GFRA1: variants seen among roughly 807,000 people sequenced by gnomAD.
GFRA1 encodes the protein GDNF family receptor alpha 1, also known as GDNF family receptor alpha-1.
GFRA1 carries 16 observed loss-of-function variants against 51.6 expected under a neutral mutation model. The observed-to-expected ratio is 0.31, with a 90% confidence interval of 0.21 to 0.47. The LOEUF (loss-of-function observed/expected upper bound fraction) is 0.47, where lower values mean the gene tolerates loss of function less well. Ranked by LOEUF, GFRA1 falls within the 20% of genes least tolerant of loss-of-function variation. The pLI is 1.00. For missense variants in GFRA1, 530 were observed against 594.3 expected (o/e 0.89, Z 1.13); for synonymous variants, 270 against 241.3 (o/e 1.12, Z -1.10).
chr10:116,145,303 C>T (rs1457621339), intron 5 of GFRA1, among the ~76,000 whole-genome samples: 1 of 151,836 alleles, frequency 6.6e-6, no homozygotes, highest in African/African-American at 2.4e-5. Context: ...CATAGAACTC[C>T]TATGAATCAA....
intron 4 of GFRA1, among the ~76,000 whole-genome samples, chr10:116,233,219 T>G (rs999579452): frequency 2.3e-4 from 35 of 151,754 alleles, no homozygotes; most frequent in African/African-American, 8.2e-4. Flanking sequence ...TCCCAGCTAC[T>G]CAGGAGGCTG....
At chr10:116,067,746 C>A (rs1180900079) in intron 9 of GFRA1, among the ~76,000 whole-genome samples, 10 of 152,138 alleles carry the variant, frequency 6.6e-5, no homozygotes. Context: ...AGATTTCTGA[C>A]CCTCATTAGT....
At position 116,264,470 on chromosome 10, in the gene GFRA1, C is replaced by G. The variant is rs376529642; in HGVS notation, c.418+5033G>C. Among the ~76,000 whole-genome samples, 47 of 152,278 alleles carry G rather than the reference C, an allele frequency of 3.1e-4. No individual in the cohort carries two copies. In the South Asian group the frequency reaches 6.2e-3, roughly 20 times the overall value. ...GCATAACAAGCAAGTCTCCGACTTT[C>G]CAGTGGGAAAAACAGACACATAAAT... On this transcript the variant is annotated intron_variant, in intron 4 of 10. Transcript: ENST00000355422.
At chr10:116,173,794 T>C (rs1037230427) in intron 5 of GFRA1, among the ~76,000 whole-genome samples, 9 of 152,174 alleles carry the variant, frequency 5.9e-5, no homozygotes, top group Non-Finnish European at 1.3e-4. Context: ...AAAAGTCAGT[T>C]GGCCCGGCGC....
intron 5 of GFRA1, among the ~76,000 whole-genome samples, chr10:116,164,057 C>T (rs1184252736): frequency 6.6e-6 from 1 of 152,172 alleles, no homozygotes; most frequent in Non-Finnish European, 1.5e-5. Flanking sequence ...AGGTCAGGAG[C>T]TCCCTAAGGG....
chr10:116,096,478 T>G (rs777680590), intron 7 of GFRA1, among the ~76,000 whole-genome samples, 177 bp downstream of exon 7: 10 of 100,804 alleles, frequency 9.9e-5, no homozygotes, highest in Non-Finnish European at 2.2e-4. Context: ...CCCATTTTTT[T>G]CTTCTTTTTT....
At chr10:116,134,441 T>C (rs1458807155) in intron 5 of GFRA1, among the ~76,000 whole-genome samples, 2 of 152,202 alleles carry the variant, frequency 1.3e-5, no homozygotes, top group African/African-American at 4.8e-5. Flanking sequence ...GCTTCTGATA[T>C]CCACACGGAT....
chr10:116,219,663 T>G (rs1350736422), intron 4 of GFRA1, among the ~76,000 whole-genome samples: 3 of 152,184 alleles, frequency 2.0e-5, no homozygotes, highest in Non-Finnish European at 4.4e-5. Context: ...TTTCCTAAAC[T>G]TCTATCATTG....
intron 8 of GFRA1, among the ~76,000 whole-genome samples, chr10:116,092,139 A>ACACACACG (rs71010065): frequency 1.3e-5 from 2 of 148,922 alleles, no homozygotes; most frequent in Non-Finnish European, 3.0e-5. Context: ...ACACACACAC[A>ACACACACG]TTTTCAGTCG....
At chr10:116,178,558 A>G (rs1442336745) in intron 5 of GFRA1, among the ~76,000 whole-genome samples, 1 of 152,224 alleles carries the variant, frequency 6.6e-6, no homozygotes, top group Admixed American at 6.5e-5. Flanking sequence ...AAACACATTC[A>G]TATCCAATGA....
chr10:116,118,611 A>G (rs1440535474), intron 6 of GFRA1, among the ~76,000 whole-genome samples: 3 of 152,136 alleles, frequency 2.0e-5, no homozygotes, highest in Non-Finnish European at 4.4e-5. Flanking sequence ...AAAGAAATAC[A>G]GGCTCTCTGT....
chr10:116,122,853 A>G (rs986650940), intron 6 of GFRA1, among the ~76,000 whole-genome samples: 5 of 152,218 alleles, frequency 3.3e-5, no homozygotes, highest in African/African-American at 1.2e-4. Context: ...ATCTTGAGGC[A>G]GGAACAAAAG....
chr10:116,085,428 A>G (rs548351477), intron 9 of GFRA1, among the ~76,000 whole-genome samples: 1 of 152,296 alleles, frequency 6.6e-6, no homozygotes, highest in Admixed American at 6.5e-5. Context: ...ATCTGTTACC[A>G]ATGGATCCCA....
intron 9 of GFRA1, among the ~76,000 whole-genome samples, chr10:116,083,461 G>T (rs1365956194): frequency 1.3e-5 from 2 of 152,210 alleles, no homozygotes; most frequent in Admixed American, 1.3e-4. Flanking sequence ...TAAATTGCAA[G>T]AAAAACATTT....
chr10:116,117,026 C>G (rs982508550), intron 6 of GFRA1, among the ~76,000 whole-genome samples: 5 of 152,156 alleles, frequency 3.3e-5, no homozygotes, highest in Admixed American at 3.3e-4. Flanking sequence ...AGACAGTCAT[C>G]TGGAAATAGT....
chr10:116,249,811 T>C (rs1968172013), intron 4 of GFRA1, among the ~76,000 whole-genome samples: 1 of 152,102 alleles, frequency 6.6e-6, no homozygotes, highest in African/African-American at 2.4e-5. Flanking sequence ...CCAGATGGGG[T>C]CCTTGCTTGT....
intron 5 of GFRA1, among the ~76,000 whole-genome samples, chr10:116,170,838 T>C (rs1960950842): frequency 6.6e-6 from 1 of 152,216 alleles, no homozygotes; most frequent in Admixed American, 6.5e-5. Context: ...TAAAAGCTTA[T>C]CTGTTCTCCA....
rs754003568 is a variant in GFRA1, at chr10:116,139,978, C to CA, written c.434-14422dup. On this transcript the variant is annotated intron_variant, in intron 5 of 10. Coordinates refer to ENST00000355422, the MANE Select transcript of GFRA1 (RefSeq NM_005264.8). ...AATTAGCCTTTTACCCTTTGGCCTT[C>CA]AAAAAATGAATGATAAATGGGTCCT... Among the ~76,000 whole-genome samples the CA allele has an allele frequency of 1.5e-4, 23 of 152,282 alleles. No homozygotes were observed. In the South Asian group the frequency reaches 3.7e-3, roughly 25 times the overall value.
intron 5 of GFRA1, among the ~76,000 whole-genome samples, chr10:116,127,101 G>GAAA (rs56387404): frequency 9.4e-5 from 14 of 149,296 alleles, no homozygotes; most frequent in Non-Finnish European, 1.9e-4. Context: ...AGAAGAAAAT[G>GAAA]AAAAAAAAAA....
Sources: allele counts gnomAD v4.1 joint callset (sites outside exome capture counted in the v4.1 genomes callset), GRCh38; gene constraint gnomAD v4.1.1; transcripts MANE v1.5; gene names NCBI Gene and HGNC (gene_info 2026-07-23, HGNC 2026-07-21).